Variants in MGAT4C observed in about 807,000 individuals in gnomAD.
MGAT4C encodes alpha-1,3-mannosyl-glycoprotein 4-beta-N-acetylglucosaminyltransferase C.
In MGAT4C, 19 loss-of-function variants were observed where a neutral mutation model predicts 40.1. The observed-to-expected ratio is 0.47, with a 90% CI of 0.33 to 0.70. The LOEUF (loss-of-function observed/expected upper bound fraction) is 0.70, where lower values mean the gene tolerates loss of function less well. MGAT4C is among the 30% of genes least tolerant of loss of function. The pLI is 0.02. For synonymous variants in MGAT4C, 181 were observed against 187.1 expected (o/e 0.97, Z 0.27); for missense variants, 491 against 563.2 (o/e 0.87, Z 1.30).
At chr12:86,097,088 G>A (rs1430285089) in intron 1 of MGAT4C, among the ~76,000 whole-genome samples, 1 of 151,462 alleles carries the variant, frequency 6.6e-6, no homozygotes, top group Admixed American at 6.6e-5. Context: ...TTTCAAGTTC[G>A]AGTATATTAT....
rs941801838 is a variant in MGAT4C at position 85,958,193 on chromosome 12, G to C, written c.*21096C>G. 2.0e-5 allele frequency: 3 copies of C among 152,058 alleles called. No homozygotes were observed. Among genetic ancestry groups the C allele is most frequent in the East Asian group, 3.9e-4 (2 of 5,170 alleles). The allele number at this position is 152,058 out of a possible 1,614,324, so 9.4% of individuals were successfully genotyped here. Reference sequence around the variant, plus strand: ...TTCAAGTGATTATCCTGCCTCGGCCGCCTGAGTAGCTAGGACCACAGGCGT... The same window carrying C: ...TTCAAGTGATTATCCTGCCTCGGCCCCCTGAGTAGCTAGGACCACAGGCGT... On this transcript the variant is annotated 3_prime_UTR_variant, in exon 5 of 5. Coordinates refer to ENST00000611864, the MANE Select transcript of MGAT4C (RefSeq NM_001351288.2).
chr12:86,561,577 G>A (rs1168623405), intron 2 of MGAT4C, among the ~76,000 whole-genome samples: 1 of 152,098 alleles, frequency 6.6e-6, no homozygotes, highest in Admixed American at 6.6e-5. Context: ...TTTTCCAGGG[G>A]CTCTCAGGTC....
chr12:86,586,025 G>A (rs1320191044), intron 2 of MGAT4C, among the ~76,000 whole-genome samples: 1 of 149,152 alleles, frequency 6.7e-6, no homozygotes, highest in Non-Finnish European at 1.5e-5. Context: ...AGGTATACAT[G>A]TGCCATGCTG....
chr12:86,200,127 GTT>G (rs56844963), intron 1 of MGAT4C, among the ~76,000 whole-genome samples: 56 of 102,356 alleles, frequency 5.5e-4, no homozygotes, highest in East Asian at 4.6e-3. Flanking sequence ...GTATGTATTT[GTT>G]TTTTTTTTTT....
At chr12:86,006,969 A>G (rs1354079419) in intron 2 of MGAT4C, among the ~76,000 whole-genome samples, 1 of 152,136 alleles carries the variant, frequency 6.6e-6, no homozygotes, top group Admixed American at 6.6e-5. Flanking sequence ...TATCAGTAAT[A>G]AGGGTCATGA....
At chr12:86,239,406 ATCTC>A (rs919197904) in intron 1 of MGAT4C, among the ~76,000 whole-genome samples, 4 of 151,064 alleles carry the variant, frequency 2.6e-5, no homozygotes, top group African/African-American at 7.3e-5. Flanking sequence ...AGCCACAGCC[ATCTC>A]TCTCTCTCTC....
At chr12:86,829,508 T>C (rs1225561365) in intron 1 of MGAT4C, among the ~76,000 whole-genome samples, 5 of 151,612 alleles carry the variant, frequency 3.3e-5, no homozygotes, top group African/African-American at 1.2e-4. Flanking sequence ...CCAATATATA[T>C]TCATTCAAGC....
chr12:86,678,047 C>T (rs570103892), intron 2 of MGAT4C, among the ~76,000 whole-genome samples: 14 of 152,192 alleles, frequency 9.2e-5, no homozygotes, highest in Admixed American at 3.3e-4. Context: ...ATTTATATTT[C>T]CAGTTCTGAA....
At chr12:86,825,909 AAG>A (rs1952797287) in intron 1 of MGAT4C, among the ~76,000 whole-genome samples, 1 of 151,506 alleles carries the variant, frequency 6.6e-6, no homozygotes, top group Non-Finnish European at 1.5e-5. Context: ...TTAAAAAGGA[AAG>A]AGAATAAAAT....
In MGAT4C at chr12:86,074,068, G is replaced by A. The variant is rs1206480654; in HGVS notation, c.-56-24345C>T. On this transcript the variant is annotated intron_variant, in intron 1 of 4. Transcript: ENST00000611864. The stretch of plus-strand genomic sequence containing the variant: ...CATGGGGGCCAGTTTTTCTCATGCT[G>A]TGCTCCTGATAGTGAATAAGTCTCA... Among the ~76,000 whole-genome samples the A allele has an allele frequency of 2.0e-5, 3 of 152,246 alleles. No individual in the cohort carries two copies. The East Asian group carries it at 5.8e-4, about 29-fold the overall frequency.
chr12:86,318,437 G>C (rs529890578), intron 4 of MGAT4C, among the ~76,000 whole-genome samples: 1 of 152,264 alleles, frequency 6.6e-6, no homozygotes, highest in South Asian at 2.1e-4. Context: ...CAGTTCTCTG[G>C]AAGTGTTGGT....
chr12:86,045,914 T>G (rs577505273), intron 2 of MGAT4C, among the ~76,000 whole-genome samples: 26 of 152,300 alleles, frequency 1.7e-4, no homozygotes, highest in African/African-American at 5.8e-4. Flanking sequence ...CAGTATCAAT[T>G]TATCGTGTAT....
intron 2 of MGAT4C, among the ~76,000 whole-genome samples, chr12:86,630,932 C>T (rs566728790): frequency 2.6e-5 from 4 of 152,044 alleles, no homozygotes; most frequent in African/African-American, 9.6e-5. Flanking sequence ...AGAAATAAAG[C>T]GTATTCAATT....
chr12:86,570,477 T>C (rs1174560876), intron 2 of MGAT4C, among the ~76,000 whole-genome samples: 1 of 152,100 alleles, frequency 6.6e-6, no homozygotes, highest in African/African-American at 2.4e-5. Context: ...CCTCACCTTG[T>C]ACAAAAATCA....
At chr12:86,712,039 G>C (rs1950564835) in intron 2 of MGAT4C, among the ~76,000 whole-genome samples, 4 of 152,048 alleles carry the variant, frequency 2.6e-5, no homozygotes, top group African/African-American at 9.7e-5. Context: ...TCTTATGTTA[G>C]ATAAGTACCT....
At chr12:86,558,634 A>G (rs1959723852) in intron 2 of MGAT4C, among the ~76,000 whole-genome samples, 1 of 152,064 alleles carries the variant, frequency 6.6e-6, no homozygotes, top group Non-Finnish European at 1.5e-5. Flanking sequence ...CCAGTCCTAT[A>G]GGAAATGCAT....
intron 2 of MGAT4C, among the ~76,000 whole-genome samples, chr12:86,680,644 C>T (rs1291789309): frequency 6.6e-6 from 1 of 152,016 alleles, no homozygotes; most frequent in East Asian, 1.9e-4. Flanking sequence ...TCTAAGTAAA[C>T]AAAGGCTTAG....
intron 2 of MGAT4C, among the ~76,000 whole-genome samples, chr12:85,995,815 T>C (rs1322906281): frequency 6.6e-6 from 1 of 152,162 alleles, no homozygotes; most frequent in African/African-American, 2.4e-5. Context: ...CTGCATGCAG[T>C]GAGCTGTAAT....
chr12:86,184,250 G>T (rs988879129), intron 1 of MGAT4C, among the ~76,000 whole-genome samples: 1 of 151,870 alleles, frequency 6.6e-6, no homozygotes, highest in Non-Finnish European at 1.5e-5. Flanking sequence ...GGTGGCGGCT[G>T]CCTATAATTC....
Sources: allele counts gnomAD v4.1 joint callset (sites outside exome capture counted in the v4.1 genomes callset), GRCh38; gene constraint gnomAD v4.1.1; transcripts MANE v1.5; gene names NCBI Gene and HGNC (gene_info 2026-07-23, HGNC 2026-07-21).